The following GLRA1 variants were observed in gnomAD, a reference collection of about 807,000 sequenced individuals.
GLRA1 encodes glycine receptor alpha 1, also known as glycine receptor subunit alpha-1.
In GLRA1, 37 loss-of-function variants were observed where a neutral mutation model predicts 48.3. The ratio of observed to expected loss-of-function variants is 0.77; its 90% CI spans 0.59 to 1.01. GLRA1 has a LOEUF of 1.01. GLRA1 is among the 50% of genes least tolerant of loss of function. The pLI, the probability that GLRA1 is intolerant of heterozygous loss-of-function variation, is 0.00. For missense variants in GLRA1, 427 were observed against 571.0 expected, an observed-to-expected ratio of 0.75 and a Z score of 2.57; for synonymous variants, 196 against 210.7, an observed-to-expected ratio of 0.93 and a Z score of 0.60.
At chr5:151,914,474 G>C (rs1032965201) in intron 1 of GLRA1, among the ~76,000 whole-genome samples, 1 of 152,236 alleles carries the variant, frequency 6.6e-6, no homozygotes, top group South Asian at 2.1e-4. Context: ...AGGGAGACTG[G>C]GTATACTCCT....
chr5:151,885,362 T>A (rs1419994087), intron 3 of GLRA1, among the ~76,000 whole-genome samples: 1 of 152,174 alleles, frequency 6.6e-6, no homozygotes, highest in African/African-American at 2.4e-5. Flanking sequence ...GAGGGACACA[T>A]AAGCAGGTTG....
chr5:151,884,709 G>A (rs1241446909), intron 3 of GLRA1, among the ~76,000 whole-genome samples: 1 of 150,424 alleles, frequency 6.6e-6, no homozygotes, highest in African/African-American at 2.5e-5. Context: ...CAGGAAACGA[G>A]TGCTGATATG....
In GLRA1 at chr5:151,849,406, C is replaced by CTTTCA. The variant is rs1561554987; in HGVS notation, c.912+1983_912+1984insTGAAA. On this transcript the variant is annotated intron_variant, in intron 7 of 8. Coordinates refer to ENST00000274576, the MANE Select transcript of GLRA1 (RefSeq NM_000171.4). ...CTTTCCTTTCCTTTCCTTTCCTTTC[C>CTTTCA]TTTCCTTTCCTTTCCTTTCCTTTCC... 1.2e-3 allele frequency among the ~76,000 whole-genome samples: 13 copies of CTTTCA among 10,650 alleles called. 3 individuals are homozygous for CTTTCA. Among genetic ancestry groups the CTTTCA allele is most frequent in the African/African-American group, 4.9e-3 (13 of 2,666 alleles). 7.0% of individuals were successfully genotyped at this position (10,650 alleles called of 152,430 possible).
At chr5:151,905,856 G>A (rs1409349038) in intron 1 of GLRA1, among the ~76,000 whole-genome samples, 1 of 152,172 alleles carries the variant, frequency 6.6e-6, no homozygotes, top group African/African-American at 2.4e-5. Flanking sequence ...GGGAGAAAGC[G>A]AGCTCTTAGT....
At chr5:151,830,258 C>T (rs1763391255) in intron 7 of GLRA1, among the ~76,000 whole-genome samples, 1 of 152,234 alleles carries the variant, frequency 6.6e-6, no homozygotes, top group Non-Finnish European at 1.5e-5. Flanking sequence ...AGATGCCACT[C>T]ACAAGGCTGT....
chr5:151,839,125 AAAAGACTGCC>A (rs1266748832), intron 7 of GLRA1, among the ~76,000 whole-genome samples: 3 of 152,256 alleles, frequency 2.0e-5, no homozygotes, highest in African/African-American at 7.2e-5. Flanking sequence ...TGCTGAAAGG[AAAAGACTGCC>A]AATTTTTCTC....
At chr5:151,846,854 C>A (rs367875469) in intron 7 of GLRA1, among the ~76,000 whole-genome samples, 1 of 152,148 alleles carries the variant, frequency 6.6e-6, no homozygotes, top group Non-Finnish European at 1.5e-5. Flanking sequence ...TGAATTATTT[C>A]TAACTCAATA....
chr5:151,919,365 A>G (rs1055209573), intron 1 of GLRA1, among the ~76,000 whole-genome samples: 1 of 152,218 alleles, frequency 6.6e-6, no homozygotes, highest in African/African-American at 2.4e-5. Context: ...TCTTTCTCAC[A>G]CCGTTTTTCA....
chr5:151,907,658 T>C (rs1237923620), intron 1 of GLRA1, among the ~76,000 whole-genome samples: 2 of 152,194 alleles, frequency 1.3e-5, no homozygotes, highest in Admixed American at 1.3e-4. Flanking sequence ...TCGGAGGCAC[T>C]GTCTTTGTCT....
chr5:151,851,247 A>C, intron 7 of GLRA1, 143 bp downstream of exon 7: 1 of 671,822 alleles, frequency 1.5e-6, no homozygotes, highest in Non-Finnish European at 2.7e-6. Flanking sequence ...TAGAACCTGC[A>C]AAGATCTGCA....
Position 151,840,695 on chromosome 5 carries a change from C to T in GLRA1, c.912+10695G>A, listed in dbSNP as rs556895444. On this transcript the variant is annotated intron_variant, in intron 7 of 8. Transcript: ENST00000274576. ...AAAAAACATACCATGTAAACAGTAA[C>T]CAAAAGAGGCCTTTAGGTGATTATA... Among the ~76,000 whole-genome samples the T allele has an allele frequency of 9.3e-5, 14 of 150,326 alleles. No individual in the cohort carries two copies. The East Asian group carries it at 2.7e-3, about 29-fold the overall frequency.
At chr5:151,894,732 GAATA>G (rs1754188323) in intron 1 of GLRA1, among the ~76,000 whole-genome samples, 1 of 152,156 alleles carries the variant, frequency 6.6e-6, no homozygotes, top group Non-Finnish European at 1.5e-5. Flanking sequence ...ATGAATGAAT[GAATA>G]ATGTGCTACT....
chr5:151,901,251 G>T lies in GLRA1; in HGVS notation c.57-8813C>A, dbSNP rs182807336. ...AATGCTACCACAACCATCTCACTTT[G>T]CCCTAACTGTGTGTATATGTCTCAC... On this transcript the variant is annotated intron_variant, in intron 1 of 8. Coordinates refer to ENST00000274576, the MANE Select transcript of GLRA1 (RefSeq NM_000171.4). Among the ~76,000 whole-genome samples the T allele has an allele frequency of 1.6e-3, 238 of 152,126 alleles. 1 individual carries two copies. The highest frequency in any genetic ancestry group is 5.4e-3 in the African/African-American group (222 of 41,418).
chr5:151,849,870 C>T lies in GLRA1; in HGVS notation c.912+1520G>A, dbSNP rs1398268670. The T allele has an allele frequency of 2.1e-6, 3 of 1,447,876 alleles. No individual in the cohort carries two copies. In the Admixed American group the frequency reaches 7.4e-5, roughly 36 times the overall value. The allele number at this position is 1,447,876 out of a possible 1,614,324, so 89.7% of individuals were successfully genotyped here. A position where few individuals can be genotyped will look rare whatever the true frequency, so the allele number is the denominator to read the frequency against. On this transcript the variant is annotated intron_variant, in intron 7 of 8. Transcript: ENST00000274576. Reference sequence around the variant, plus strand: ...TGCCTAGCCTAGAATTTTGATGGCTCTAGTATTTTACAGTCTGAAGGCTCC... The same window carrying T: ...TGCCTAGCCTAGAATTTTGATGGCTTTAGTATTTTACAGTCTGAAGGCTCC...
intron 7 of GLRA1, among the ~76,000 whole-genome samples, chr5:151,839,053 T>G (rs1265131351): frequency 6.6e-6 from 1 of 152,206 alleles, no homozygotes; most frequent in African/African-American, 2.4e-5. Flanking sequence ...TTGATAAGAT[T>G]AACAGTTGTA....
intron 8 of GLRA1, among the ~76,000 whole-genome samples, chr5:151,825,937 C>G (rs1763258885): frequency 6.6e-6 from 1 of 152,148 alleles, no homozygotes; most frequent in African/African-American, 2.4e-5. Context: ...CAAATCACTT[C>G]CAGAGCGGCT....
chr5:151,915,776 C>T (rs1038373494), intron 1 of GLRA1, among the ~76,000 whole-genome samples: 6 of 150,778 alleles, frequency 4.0e-5, no homozygotes, highest in African/African-American at 1.5e-4. Context: ...TTGAAAGGGA[C>T]CTAGAGGTCA....
chr5:151,823,990 T>C (rs375658300), intron 8 of GLRA1, among the ~76,000 whole-genome samples: 1 of 151,718 alleles, frequency 6.6e-6, no homozygotes, highest in South Asian at 2.1e-4. Context: ...AATGTTGGCA[T>C]TGGGAAGTTT....
At chr5:151,895,293 A>G (rs1754202601) in intron 1 of GLRA1, among the ~76,000 whole-genome samples, 3 of 152,038 alleles carry the variant, frequency 2.0e-5, no homozygotes, top group Non-Finnish European at 2.9e-5. Context: ...TACATGGGGT[A>G]TAGGGTGTGG....
Sources: allele counts gnomAD v4.1 joint callset (sites outside exome capture counted in the v4.1 genomes callset), GRCh38; gene constraint gnomAD v4.1.1; transcripts MANE v1.5; gene names NCBI Gene and HGNC (gene_info 2026-07-23, HGNC 2026-07-21).